Variants in RRM2B observed in about 807,000 individuals in gnomAD.
RRM2B encodes the protein ribonucleoside-diphosphate reductase subunit M2 B.
In RRM2B, 20 loss-of-function variants were observed where a neutral mutation model predicts 45.9. That is an observed-to-expected ratio of 0.44 (90% confidence interval 0.31 to 0.63). The LOEUF (loss-of-function observed/expected upper bound fraction) is 0.63. Ranked by LOEUF, RRM2B falls within the 30% of genes least tolerant of loss-of-function variation. The pLI, the probability that RRM2B is intolerant of heterozygous loss-of-function variation, is 0.09. For missense variants in RRM2B, 320 were observed against 414.7 expected (o/e 0.77, Z 1.98); for synonymous variants, 124 against 132.3 (o/e 0.94, Z 0.43).
At chr8:102,235,766 G>A (rs1246461464) in intron 1 of RRM2B, among the ~76,000 whole-genome samples, 2 of 152,198 alleles carry the variant, frequency 1.3e-5, no homozygotes, top group East Asian at 3.9e-4. Context: ...TTGAACCCAA[G>A]AGGCAGAGGT....
Position 102,238,821 on chromosome 8 carries a change from A to G in RRM2B, c.48+6T>C. The stretch of plus-strand genomic sequence containing the variant: ...GTGAGGGGGAAGACGCAACAGCAAC[A>G]TTTACCTCATCCTGATCCAGCCCGG... On this transcript the variant is annotated splice_donor_region_variant and intron_variant, in intron 1 of 8. Transcript: ENST00000251810. 6.2e-7 allele frequency: 1 copy of G among 1,613,752 alleles called. No individual in the cohort carries two copies. The highest frequency in any genetic ancestry group is 8.5e-7 in the Non-Finnish European group (1 of 1,179,908).
rs267607025 is a variant in RRM2B at position 102,225,011 on chromosome 8, C to T, written c.329G>A (p.Arg110His). ...DGIVNENLVE[R>H]FSQEVQVPEA... ...TGGAACCTGCACCTCCTGACTAAAG[C>T]GCTCCACCTAAGAAGATAAGGAAAA... Residue 110 changes from arginine to histidine, a missense_variant, in exon 4 of 9, where the codon CGC becomes CAC. Physicochemically the swap from Arg to His is conservative, Grantham distance 29. Coordinates refer to ENST00000251810, the MANE Select transcript of RRM2B (RefSeq NM_015713.5). 2.8e-5 allele frequency: 45 copies of T among 1,613,854 alleles called. No individual in the cohort carries two copies. Among genetic ancestry groups the T allele is most frequent in the Non-Finnish European group, 3.5e-5 (41 of 1,179,968 alleles).
chr8:102,206,796 C>T lies in RRM2B; in HGVS notation c.*1337G>A, dbSNP rs962002084. On this transcript the variant is annotated 3_prime_UTR_variant, in exon 9 of 9. Transcript: ENST00000251810. ...CAGACTTCTCAAAAACCTTGGTTCCCGGCCTTTCATCAGACTCTTCTAGAG... is the reference window on the plus strand; with the variant it reads ...CAGACTTCTCAAAAACCTTGGTTCCTGGCCTTTCATCAGACTCTTCTAGAG... The T allele has an allele frequency of 2.0e-5, 3 of 152,260 alleles. No individual in the cohort carries two copies. Among genetic ancestry groups the T allele is most frequent in the Admixed American group, 6.5e-5 (1 of 15,294 alleles). The allele number at this position is 152,260 out of a possible 1,614,324, so 9.4% of individuals were successfully genotyped here.
chr8:102,215,008 C>G (rs1348761735), intron 6 of RRM2B, among the ~76,000 whole-genome samples: 1 of 111,850 alleles, frequency 8.9e-6, no homozygotes, highest in South Asian at 2.8e-4. Flanking sequence ...ATAATCAGGA[C>G]TCCAAAACAC....
In RRM2B at chr8:102,214,047, G is replaced by A. The variant is rs199498691; in HGVS notation, c.789+7C>T. 9.4e-6 allele frequency: 15 copies of A among 1,589,698 alleles called. No homozygotes were observed. Among genetic ancestry groups the A allele is most frequent in the Admixed American group, 5.0e-5 (3 of 59,896 alleles). On this transcript the variant is annotated splice_region_variant and intron_variant, in intron 7 of 8. Coordinates refer to ENST00000251810, the MANE Select transcript of RRM2B (RefSeq NM_015713.5). ...GATGTGCTAATTACACAAACTTCCCGGTTTACCTGCTCAATTTTGACAGCA... is the reference window on the plus strand; with the variant it reads ...GATGTGCTAATTACACAAACTTCCCAGTTTACCTGCTCAATTTTGACAGCA...
chr8:102,207,831 G>T lies in RRM2B; in HGVS notation c.*302C>A. 3.8e-6 allele frequency: 1 copy of T among 262,318 alleles called. No homozygotes were observed. Among genetic ancestry groups the T allele is most frequent in the East Asian group, 8.4e-5 (1 of 11,844 alleles). 16.2% of individuals were successfully genotyped at this position (262,318 alleles called of 1,614,324 possible). Reference sequence around the variant, plus strand: ...GAGGTTTACCAAGATTAACTGACTTGCCAAGGGTCACACACTGGAGTAAGG... The same window carrying T: ...GAGGTTTACCAAGATTAACTGACTTTCCAAGGGTCACACACTGGAGTAAGG... On this transcript the variant is annotated 3_prime_UTR_variant, in exon 9 of 9. Transcript: ENST00000251810.
chr8:102,224,239 T>A, intron 4 of RRM2B, 99 bp from the exon 5 acceptor site: 1 of 787,924 alleles, frequency 1.3e-6, no homozygotes. Context: ...TGGAGTGCAG[T>A]GGCACGATCT....
At position 102,232,231 on chromosome 8, in the gene RRM2B, C is replaced by T. The variant is rs200273673; in HGVS notation, c.122G>A (p.Arg41Gln). ...GTACTGGATTGGAAAGATGACAAACCGGCGAGAACTCTTTCTTAGGAGTGG... is the reference window on the plus strand; with the variant it reads ...GTACTGGATTGGAAAGATGACAAACTGGCGAGAACTCTTTCTTAGGAGTGG... ...EEPLLRKSSRRFVIFPIQYPD... is the reference protein window; with the variant it reads ...EEPLLRKSSRQFVIFPIQYPD... Residue 41 changes from arginine to glutamine, a missense_variant, in exon 2 of 9, where the codon CGG becomes CAG. Physicochemically the swap from Arg to Gln is conservative, Grantham distance 43. Around this residue, in one of 3 missense-constraint regions of RRM2B, gnomAD observed 225 missense variants for 289.4 expected, o/e 0.78. Coordinates refer to ENST00000251810, the MANE Select transcript of RRM2B (RefSeq NM_015713.5). 37 of 1,613,856 alleles carry T rather than the reference C, an allele frequency of 2.3e-5. No homozygotes were observed. Among genetic ancestry groups the T allele is most frequent in the Non-Finnish European group, 3.0e-5 (35 of 1,179,896 alleles).
intron 1 of RRM2B, chr8:102,238,306 T>A (rs1401082795): frequency 3.0e-6 from 1 of 336,142 alleles, no homozygotes; most frequent in African/African-American, 2.2e-5. Flanking sequence ...ACTGGCCTCC[T>A]ACCCTGATTT....
Position 102,224,306 on chromosome 8 carries a change from CG to C in RRM2B, c.456-167del, listed in dbSNP as rs529765788. On this transcript the variant is annotated intron_variant, in intron 4 of 8. Coordinates refer to ENST00000251810, the MANE Select transcript of RRM2B (RefSeq NM_015713.5). Reference sequence around the variant, plus strand: ...ATGCCATTCTCCTGCCTCAGCCTCCCGAGTAGCTAGGACGACAGGTGCCCGC... The same window carrying C: ...ATGCCATTCTCCTGCCTCAGCCTCCCAGTAGCTAGGACGACAGGTGCCCGC... Among the ~76,000 whole-genome samples, 407 of 152,154 alleles carry C rather than the reference CG, an allele frequency of 2.7e-3. 1 individual carries two copies. Among genetic ancestry groups the C allele is most frequent in the African/African-American group, 9.0e-3 (373 of 41,522 alleles).
At chr8:102,223,500 C>A (rs1268588870) in intron 5 of RRM2B, among the ~76,000 whole-genome samples, 1 of 152,078 alleles carries the variant, frequency 6.6e-6, no homozygotes, top group African/African-American at 2.4e-5. Context: ...CAAGACTAGT[C>A]TGGCCAACAT....
In RRM2B at chr8:102,226,685, T is replaced by C. The variant is rs775658727; in HGVS notation, c.205-651A>G. On this transcript the variant is annotated intron_variant, in intron 2 of 8. Coordinates refer to ENST00000251810, the MANE Select transcript of RRM2B (RefSeq NM_015713.5). The stretch of plus-strand genomic sequence containing the variant: ...GCCAGGTAATCAGTCTACTTTTACA[T>C]CCAGAAGTAATGCCAGGCAGGTAAC... Among the ~76,000 whole-genome samples, 31 of 152,200 alleles carry C rather than the reference T, an allele frequency of 2.0e-4. 1 individual carries two copies. Among genetic ancestry groups the C allele is most frequent in the Non-Finnish European group, 3.8e-4 (26 of 68,042 alleles).
chr8:102,212,730 T>G (rs1376296880), intron 8 of RRM2B, 46 bp downstream of exon 8: 1 of 988,478 alleles, frequency 1.0e-6, no homozygotes, highest in African/African-American at 1.6e-5. Flanking sequence ...GTCCTTGCTT[T>G]CCTATAATAT....
chr8:102,209,744 T>C (rs1299784781), intron 8 of RRM2B, among the ~76,000 whole-genome samples: 1 of 152,206 alleles, frequency 6.6e-6, no homozygotes, highest in Non-Finnish European at 1.5e-5. Flanking sequence ...GTCCATCGAA[T>C]GGATAAATAA....
In RRM2B at chr8:102,224,915, A is replaced by G. The variant is rs1169870960; in HGVS notation, c.425T>C (p.Ile142Thr). The change falls in exon 4 of 9, where the codon ATA becomes ACA. Residue 142 changes from isoleucine (I) to threonine (T), a missense_variant. By Grantham distance (89) the Ile-to-Thr change is moderately conservative (BLOSUM62 -1). Coordinates refer to ENST00000251810, the MANE Select transcript of RRM2B (RefSeq NM_015713.5). The part of the protein sequence containing the change: ...NVHSEMYSLL[I>T]DTYIRDPKKR... ...CTTGGGATCTCTGATGTAAGTGTCT[A>G]TCAGCAAACTGTACATCTCTGAGTG... 1.2e-6 allele frequency: 2 copies of G among 1,613,914 alleles called. No homozygotes were observed. The highest frequency in any genetic ancestry group is 1.3e-5 in the African/African-American group (1 of 75,062).
At chr8:102,214,243 G>A (rs1354338064) in intron 6 of RRM2B, 85 bp from the exon 7 acceptor site, 3 of 922,000 alleles carry the variant, frequency 3.3e-6, no homozygotes, top group Non-Finnish European at 5.3e-6. Flanking sequence ...GTATAAAGTG[G>A]TTCTAGGAAT....
intron 8 of RRM2B, among the ~76,000 whole-genome samples, chr8:102,209,197 A>G (rs573759935): frequency 6.6e-6 from 1 of 152,310 alleles, no homozygotes; most frequent in East Asian, 1.9e-4. Flanking sequence ...AGCTTGATGG[A>G]AACTGTGGGA....
intron 4 of RRM2B, 23 bp from the exon 5 acceptor site, chr8:102,224,163 A>T: frequency 7.0e-7 from 1 of 1,428,776 alleles, no homozygotes; most frequent in Non-Finnish European, 9.9e-7. Flanking sequence ...AAGAATGAAC[A>T]GCAAAGTTAT....
chr8:102,225,368 G>T (rs543648581), intron 3 of RRM2B, among the ~76,000 whole-genome samples: 2 of 151,624 alleles, frequency 1.3e-5, no homozygotes, highest in African/African-American at 4.8e-5. Flanking sequence ...CAAATAGCTG[G>T]GGCTACAGGC....
Sources: allele counts gnomAD v4.1 joint callset (sites outside exome capture counted in the v4.1 genomes callset), GRCh38; gene constraint gnomAD v4.1.1; regional missense constraint gnomAD v4.1.1; transcripts MANE v1.5; gene names NCBI Gene and HGNC (gene_info 2026-07-23, HGNC 2026-07-21).